The following DDTL variants were observed in gnomAD, a reference collection of about 807,000 sequenced individuals.
DDTL encodes the protein D-dopachrome tautomerase like.
In DDTL, 1 loss-of-function variant was observed where a neutral mutation model predicts 1.1. The ratio of observed to expected loss-of-function variants is 0.91; its 90% CI spans 0.32 to 4.31. The LOEUF (loss-of-function observed/expected upper bound fraction) is 4.31, where lower values mean the gene tolerates loss of function less well. DDTL is among the 30% of genes most tolerant of loss of function. The pLI, the probability that DDTL is intolerant of heterozygous loss-of-function variation, is 0.17. For synonymous variants in DDTL, 21 were observed against 16.6 expected (o/e 1.26, Z -0.64); for missense variants, 54 against 48.9 (o/e 1.10, Z -0.31).
chr22:23,970,022 C>CA, intron 2 of DDTL: 1 of 238,360 alleles, frequency 4.2e-6, no homozygotes, highest in Non-Finnish European at 6.8e-6. Flanking sequence ...AGGGAAGGGT[C>CA]CCTAGAAGTG....
In DDTL at chr22:23,972,200, G is replaced by C; in HGVS notation, c.*794G>C. ...CTACCTCATGGGGATAGCATGTCTT[G>C]TCTGAGCAAAGGGAGAGTGGATAGG... is the stretch of plus-strand genomic sequence containing the variant. On this transcript the variant is annotated 3_prime_UTR_variant, in exon 3 of 3. Coordinates refer to ENST00000215770, the MANE Select transcript of DDTL (RefSeq NM_001084393.2). 1 of 891,308 alleles carries C rather than the reference G, an allele frequency of 1.1e-6. No individual in the cohort carries two copies. Among genetic ancestry groups the C allele is most frequent in the African/African-American group, 1.8e-5 (1 of 55,306 alleles). The allele number at this position is 891,308 out of a possible 1,614,324, so 55.2% of individuals were successfully genotyped here.
Position 23,971,493 on chromosome 22 carries a change from G to A in DDTL, c.*87G>A. On this transcript the variant is annotated 3_prime_UTR_variant, in exon 3 of 3. Transcript: ENST00000215770. ...TATCTCCAGGCCCTCACTCTGCCAA[G>A]AGATCTCTCTGGAAGAAGCAGCCAG... The A allele has an allele frequency of 6.2e-7, 1 of 1,609,710 alleles. No individual in the cohort carries two copies. The highest frequency in any genetic ancestry group is 1.7e-5 in the Admixed American group (1 of 59,706).
intron 2 of DDTL, among the ~76,000 whole-genome samples, chr22:23,970,481 GTGA>G (rs1256260363): frequency 6.6e-6 from 1 of 151,952 alleles, no homozygotes; most frequent in Non-Finnish European, 1.5e-5. Context: ...AGTGAACTGT[GTGA>G]TGACTATGAA....
intron 2 of DDTL, among the ~76,000 whole-genome samples, chr22:23,970,557 T>C (rs765589427): frequency 6.6e-6 from 1 of 151,050 alleles, no homozygotes. Context: ...TCTATATGTG[T>C]GAATTTGAGT....
chr22:23,970,244 ATG>A (rs1321376887), intron 2 of DDTL, among the ~76,000 whole-genome samples: 5 of 141,714 alleles, frequency 3.5e-5, no homozygotes, highest in Non-Finnish European at 7.4e-5. Flanking sequence ...GTGCGTGTGT[ATG>A]TGTGCGAATG....
chr22:23,972,064 T>G lies in DDTL; in HGVS notation c.*658T>G. 1 of 603,074 alleles carries G rather than the reference T, an allele frequency of 1.7e-6. No homozygotes were observed. 37.4% of individuals were successfully genotyped at this position (603,074 alleles called of 1,614,324 possible). ...TAAGTGAACATGCCCCTCTCAGAGG[T>G]AACAGCAAGTTTCCAGTGAGGAAAA... is the stretch of plus-strand genomic sequence containing the variant. On this transcript the variant is annotated 3_prime_UTR_variant, in exon 3 of 3. Coordinates refer to ENST00000215770, the MANE Select transcript of DDTL (RefSeq NM_001084393.2).
At chr22:23,970,433 T>C (rs1209733851) in intron 2 of DDTL, among the ~76,000 whole-genome samples, 2 of 151,914 alleles carry the variant, frequency 1.3e-5, no homozygotes, top group Admixed American at 1.3e-4. Context: ...TGGTGTGAAT[T>C]GTGTGCCTGT....
Position 23,971,665 on chromosome 22 carries a change from A to G in DDTL, c.*259A>G. 2 of 1,579,224 alleles carry G rather than the reference A, an allele frequency of 1.3e-6. No individual in the cohort carries two copies. Among genetic ancestry groups the G allele is most frequent in the African/African-American group, 1.4e-5 (1 of 73,940 alleles). ...AAAAGATATCATCAGCTCCTTGGCT[A>G]ATACCACATCTTGCAAGACCCCTGC... On this transcript the variant is annotated 3_prime_UTR_variant, in exon 3 of 3. Coordinates refer to ENST00000215770, the MANE Select transcript of DDTL (RefSeq NM_001084393.2).
At position 23,971,466 on chromosome 22, in the gene DDTL, G is replaced by C; in HGVS notation, c.*60G>C. ...TTGCATGCGGGATAATCCAAAGCTG[G>C]TTATCTCCAGGCCCTCACTCTGCCA... On this transcript the variant is annotated 3_prime_UTR_variant, in exon 3 of 3. Coordinates refer to ENST00000215770, the MANE Select transcript of DDTL (RefSeq NM_001084393.2). 1 of 1,606,952 alleles carries C rather than the reference G, an allele frequency of 6.2e-7. No homozygotes were observed. The highest frequency in any genetic ancestry group is 8.5e-7 in the Non-Finnish European group (1 of 1,175,520).
rs983089485 is a variant in DDTL at position 23,969,178 on chromosome 22, T to C, written c.284+1617T>C. The C allele has an allele frequency of 4.1e-6, 4 of 985,230 alleles. No individual in the cohort carries two copies. The African/African-American group carries it at 7.0e-5, about 17-fold the overall frequency. The allele number at this position is 985,230 out of a possible 1,614,324, so 61.0% of individuals were successfully genotyped here. On this transcript the variant is annotated intron_variant, in intron 2 of 2. Coordinates refer to ENST00000215770, the MANE Select transcript of DDTL (RefSeq NM_001084393.2). ...GATAATCTCCATTATGCCAATTTTA[T>C]GATGAGAAGACTAAGGCTCTTCATA...
rs1223776673 is a variant in DDTL, at chr22:23,971,601, A to AG, written c.*199dup. On this transcript the variant is annotated 3_prime_UTR_variant, in exon 3 of 3. Coordinates refer to ENST00000215770, the MANE Select transcript of DDTL (RefSeq NM_001084393.2). ...ATCTTGCCAATCTGCCAGGACTCCA[A>AG]GGGGAAAAAGCGGATAAGTATCCTT... The AG allele has an allele frequency of 3.7e-6, 6 of 1,614,186 alleles. No individual in the cohort carries two copies. The highest frequency in any genetic ancestry group is 5.1e-6 in the Non-Finnish European group (6 of 1,180,006).
At position 23,971,358 on chromosome 22, in the gene DDTL, T is replaced by C. The variant is rs1219727390; in HGVS notation, c.357T>C (p.Gly119=). 3 of 1,613,934 alleles carry C rather than the reference T, an allele frequency of 1.9e-6. No individual in the cohort carries two copies. The African/African-American group carries it at 4.0e-5, about 22-fold the overall frequency. ...GPRCPGEIIE[G]KKSCLNEEAL... ...GATGCCCAGGAGAGATAATAGAAGG[T>C]AAGAAGTCATGTTTGAATGAGGAAG... is the stretch of plus-strand genomic sequence containing the variant. The change falls in exon 3 of 3, where the codon GGT becomes GGC. Residue 119 remains glycine, a synonymous_variant. Transcript: ENST00000215770.
intron 2 of DDTL, chr22:23,969,587 G>T: frequency 5.1e-6 from 5 of 985,382 alleles, no homozygotes; most frequent in Non-Finnish European, 4.8e-6. Flanking sequence ...AAAATGGGCT[G>T]AGGTGGGAGG....
At chr22:23,970,539 G>T (rs1432805121) in intron 2 of DDTL, among the ~76,000 whole-genome samples, 1 of 151,890 alleles carries the variant, frequency 6.6e-6, no homozygotes, top group African/African-American at 2.4e-5. Context: ...ACGTGTGTGG[G>T]GATTTGGTCT....
At position 23,971,611 on chromosome 22, in the gene DDTL, G is replaced by A; in HGVS notation, c.*205G>A. ...TCTGCCAGGACTCCAAGGGGAAAAA[G>A]CGGATAAGTATCCTTCAGGAGACAG... On this transcript the variant is annotated 3_prime_UTR_variant, in exon 3 of 3. Coordinates refer to ENST00000215770, the MANE Select transcript of DDTL (RefSeq NM_001084393.2). The A allele has an allele frequency of 6.2e-7, 1 of 1,614,082 alleles. No individual in the cohort carries two copies. Among genetic ancestry groups the A allele is most frequent in the South Asian group, 1.1e-5 (1 of 91,082 alleles).
Position 23,971,298 on chromosome 22 carries a change from C to T in DDTL, c.297C>T (p.Val99=). ...CATCCCCCTCCAGGTTCCCTACGGT[C>T]TTATCCACCAGCCCTGCTGCCCATG... ...LALGQDRFPT[V]LSTSPAAHGG... Residue 99 remains valine (V), a synonymous_variant, in exon 3 of 3, where the codon GTC becomes GTT. Coordinates refer to ENST00000215770, the MANE Select transcript of DDTL (RefSeq NM_001084393.2). The T allele has an allele frequency of 6.2e-7, 1 of 1,613,088 alleles. No homozygotes were observed. Among genetic ancestry groups the T allele is most frequent in the Non-Finnish European group, 8.5e-7 (1 of 1,179,610 alleles).
chr22:23,971,760 T>C lies in DDTL; in HGVS notation c.*354T>C. On this transcript the variant is annotated 3_prime_UTR_variant, in exon 3 of 3. Coordinates refer to ENST00000215770, the MANE Select transcript of DDTL (RefSeq NM_001084393.2). ...ACCAGGCATTTTGCAAACCTGCTCA[T>C]CCCAATAATGATTTTCCCCAACCCC... is the stretch of plus-strand genomic sequence containing the variant. 2.7e-6 allele frequency: 2 copies of C among 738,482 alleles called. No homozygotes were observed. Among genetic ancestry groups the C allele is most frequent in the South Asian group, 3.7e-5 (2 of 53,816 alleles). 45.7% of individuals were successfully genotyped at this position (738,482 alleles called of 1,614,324 possible).
chr22:23,969,696 G>A (rs931839956), intron 2 of DDTL: 2 of 978,346 alleles, frequency 2.0e-6, no homozygotes, highest in Non-Finnish European at 2.4e-6. Flanking sequence ...GCATGAGCCT[G>A]TGATCCAAAC....
Position 23,971,339 on chromosome 22 carries a change from C to G in DDTL, c.338C>G (p.Pro113Arg). 6.2e-7 allele frequency: 1 copy of G among 1,614,124 alleles called. No homozygotes were observed. The highest frequency in any genetic ancestry group is 8.5e-7 in the Non-Finnish European group (1 of 1,180,004). The change falls in exon 3 of 3, where the codon CCA becomes CGA. Residue 113 changes from proline to arginine, a missense_variant. Physicochemically the swap from Pro to Arg is moderately radical, Grantham distance 103. Coordinates refer to ENST00000215770, the MANE Select transcript of DDTL (RefSeq NM_001084393.2). ...SPAAHGGPRC[P>R]GEIIEGKKSC... is the part of the protein sequence containing the mutation. ...GCTGCCCATGGTGGCCCCAGATGCC[C>G]AGGAGAGATAATAGAAGGTAAGAAG... is the stretch of plus-strand genomic sequence containing the variant.
Sources: gnomAD v4.1 joint callset for allele counts (sites outside exome capture counted in the v4.1 genomes callset) on GRCh38, gnomAD v4.1.1 for gene constraint, MANE v1.5 for transcripts, NCBI Gene and HGNC (gene_info 2026-07-23, HGNC 2026-07-21) for gene names.